DIP2C: variants seen among roughly 807,000 people sequenced by gnomAD.
DIP2C encodes the protein disco-interacting protein 2 homolog C.
In DIP2C, 33 loss-of-function variants were observed where a neutral mutation model predicts 192.4. The ratio of observed to expected loss-of-function variants is 0.17; its 90% CI spans 0.13 to 0.23. The LOEUF (loss-of-function observed/expected upper bound fraction) is 0.23. DIP2C is among the 10% of genes least tolerant of loss of function. The pLI, the probability that DIP2C is intolerant of heterozygous loss-of-function variation, is 1.00. For synonymous variants in DIP2C, 979 were observed against 864.1 expected, an observed-to-expected ratio of 1.13 and a Z score of -2.33; for missense variants, 1,537 against 2,110.1, an observed-to-expected ratio of 0.73 and a Z score of 5.32.
At chr10:521,152 A>C (rs1485889860) in intron 1 of DIP2C, among the ~76,000 whole-genome samples, 1 of 152,228 alleles carries the variant, frequency 6.6e-6, no homozygotes, top group Non-Finnish European at 1.5e-5. Flanking sequence ...TCCATTTTTA[A>C]CTTTTACAGG....
intron 4 of DIP2C, among the ~76,000 whole-genome samples, chr10:427,569 T>C (rs1224576944): frequency 7.9e-6 from 1 of 126,106 alleles, no homozygotes; most frequent in Non-Finnish European, 1.7e-5. Flanking sequence ...CAACCCATTT[T>C]AAAACATGGG....
chr10:488,637 AG>A (rs779933695), intron 1 of DIP2C, among the ~76,000 whole-genome samples: 4 of 152,166 alleles, frequency 2.6e-5, no homozygotes, highest in Non-Finnish European at 5.9e-5. Flanking sequence ...CTGCCTGGGA[AG>A]TGCCCTTCTC....
At chr10:513,972 G>A (rs184488894) in intron 1 of DIP2C, among the ~76,000 whole-genome samples, 1 of 152,362 alleles carries the variant, frequency 6.6e-6, no homozygotes, top group East Asian at 1.9e-4. Context: ...GCTGAAATGT[G>A]TACAGTCTTG....
chr10:664,845 T>C (rs907830648), intron 1 of DIP2C: 1 of 152,104 alleles, frequency 6.6e-6, no homozygotes, highest in Non-Finnish European at 1.5e-5. Context: ...ACTCCTAACT[T>C]AATACTAAAT....
chr10:463,834 A>T (rs1192960126), intron 3 of DIP2C, among the ~76,000 whole-genome samples: 2 of 152,244 alleles, frequency 1.3e-5, no homozygotes, highest in South Asian at 4.1e-4. Context: ...TCAGAAAAGA[A>T]CACCACACAT....
intron 18 of DIP2C, 81 bp downstream of exon 18, chr10:369,413 T>TGGGAACGC: frequency 2.1e-6 from 3 of 1,455,376 alleles, no homozygotes; most frequent in East Asian, 5.0e-5. Context: ...CGCGGGAACG[T>TGGGAACGC]GGGAACGCAG....
At chr10:540,248 T>C (rs895106201) in intron 1 of DIP2C, among the ~76,000 whole-genome samples, 1 of 152,258 alleles carries the variant, frequency 6.6e-6, no homozygotes, top group African/African-American at 2.4e-5. Context: ...CCAAAGCTTA[T>C]GTACTTGGAA....
At chr10:469,784 A>T (rs549162066) in intron 3 of DIP2C, among the ~76,000 whole-genome samples, 1 of 152,274 alleles carries the variant, frequency 6.6e-6, no homozygotes, top group African/African-American at 2.4e-5. Context: ...CATCTTCAGG[A>T]TCAAGTCCAA....
chr10:417,960 GCACC>G lies in DIP2C; in HGVS notation c.739+1101_739+1104del, dbSNP rs1965854800. On this transcript the variant is annotated intron_variant, in intron 6 of 36. Transcript: ENST00000280886. ...CTTCGATAGGCCTCCCTGTCCACCT[GCACC>G]TGTCAGGGCTCGGATAGGCCTCCCT... Among the ~76,000 whole-genome samples, 15 of 100,542 alleles carry G rather than the reference GCACC, an allele frequency of 1.5e-4. 1 individual carries two copies. The highest frequency in any genetic ancestry group is 2.3e-4 in the Non-Finnish European group (11 of 48,240). 66.0% of individuals were successfully genotyped at this position (100,542 alleles called of 152,430 possible). A position where few individuals can be genotyped will look rare whatever the true frequency, so the allele number is the denominator to read the frequency against.
intron 29 of DIP2C, among the ~76,000 whole-genome samples, chr10:338,903 C>T (rs1184749986): frequency 6.7e-6 from 1 of 149,842 alleles, no homozygotes; most frequent in East Asian, 1.9e-4. Flanking sequence ...GCCTGGCTCC[C>T]ACAGCCCACG....
intron 1 of DIP2C, among the ~76,000 whole-genome samples, chr10:609,785 C>T (rs1307874870): frequency 6.6e-6 from 1 of 152,150 alleles, no homozygotes; most frequent in African/African-American, 2.4e-5. Context: ...AACCTAACTG[C>T]ATCTTTGGAT....
intron 1 of DIP2C, among the ~76,000 whole-genome samples, chr10:616,537 A>G (rs1269764593): frequency 1.3e-5 from 2 of 152,194 alleles, no homozygotes; most frequent in Non-Finnish European, 2.9e-5. Flanking sequence ...ATAAGCAGGC[A>G]GCCCCCAGAC....
intron 31 of DIP2C, among the ~76,000 whole-genome samples, chr10:319,887 TAAG>T (rs773373091): frequency 3.3e-5 from 5 of 152,198 alleles, no homozygotes; most frequent in Non-Finnish European, 7.4e-5. Flanking sequence ...TTAAAACAAC[TAAG>T]AATTCCCTTA....
intron 29 of DIP2C, among the ~76,000 whole-genome samples, chr10:338,142 TTG>T (rs1285434398): frequency 5.3e-5 from 8 of 152,140 alleles, no homozygotes; most frequent in Non-Finnish European, 1.0e-4. Flanking sequence ...TATAATGTGT[TTG>T]TGTTATAAGC....
chr10:514,873 A>AG (rs942411115), intron 1 of DIP2C, among the ~76,000 whole-genome samples: 4 of 152,150 alleles, frequency 2.6e-5, no homozygotes, highest in African/African-American at 4.8e-5. Context: ...GTGGAAGTGA[A>AG]GGGGGTAAAA....
intron 1 of DIP2C, among the ~76,000 whole-genome samples, chr10:579,850 A>G (rs1037621685): frequency 1.3e-5 from 2 of 152,050 alleles, no homozygotes; most frequent in African/African-American, 2.4e-5. Flanking sequence ...ACATCTGTAC[A>G]GTGTACATGC....
At chr10:336,514 G>A (rs1957775373) in intron 29 of DIP2C, among the ~76,000 whole-genome samples, 1 of 152,180 alleles carries the variant, frequency 6.6e-6, no homozygotes. Context: ...CTTGGGCACG[G>A]TGGATTAGGT....
rs140990965 is a variant in DIP2C, at chr10:616,820, G to T, written c.85+72674C>A. 4.4e-4 allele frequency among the ~76,000 whole-genome samples: 67 copies of T among 152,272 alleles called. No homozygotes were observed. In the East Asian group the frequency reaches 0.012, roughly 27 times the overall value. ...TAACACAATTCTGATGAAAATATTT[G>T]AGAGCCACGCCCATCAGCGAGAGGC... On this transcript the variant is annotated intron_variant, in intron 1 of 36. Transcript: ENST00000280886.
intron 1 of DIP2C, among the ~76,000 whole-genome samples, chr10:568,808 G>T (rs1348766248): frequency 1.7e-5 from 2 of 116,858 alleles, no homozygotes; most frequent in South Asian, 3.4e-4. Context: ...ACCTTCACTT[G>T]ATCTGCAAGA....
Sources: allele counts gnomAD v4.1 joint callset (sites outside exome capture counted in the v4.1 genomes callset), GRCh38; gene constraint gnomAD v4.1.1; transcripts MANE v1.5; gene names NCBI Gene and HGNC (gene_info 2026-07-23, HGNC 2026-07-21).